Variants in THSD4 observed in about 807,000 individuals in gnomAD.
The protein encoded by THSD4 is thrombospondin type-1 domain-containing protein 4.
Under a neutral mutation model 119.0 loss-of-function variants are expected in THSD4, and 69 were observed. That is an observed-to-expected ratio of 0.58 (90% CI 0.48 to 0.71). The LOEUF (loss-of-function observed/expected upper bound fraction) is 0.71. THSD4 is among the 30% of genes least tolerant of loss of function. THSD4 has a pLI of 0.00. For missense variants in THSD4, 1,393 were observed against 1,391.1 expected (o/e 1.00, Z -0.02); for synonymous variants, 524 against 540.4 (o/e 0.97, Z 0.42).
intron 4 of THSD4, among the ~76,000 whole-genome samples, chr15:71,219,715 C>T (rs927661814): frequency 3.9e-5 from 6 of 152,210 alleles, no homozygotes; most frequent in Non-Finnish European, 7.3e-5. Context: ...ACAACATTTA[C>T]AGTTACACAA....
intron 7 of THSD4, among the ~76,000 whole-genome samples, chr15:71,432,150 G>T (rs1365688637): frequency 6.6e-6 from 1 of 152,030 alleles, no homozygotes; most frequent in African/African-American, 2.4e-5. Context: ...TATAACTCAA[G>T]GAAAACTAAA....
intron 1 of THSD4, among the ~76,000 whole-genome samples, chr15:71,102,305 A>AT (rs2040256842): frequency 6.6e-6 from 1 of 151,982 alleles, no homozygotes; most frequent in Admixed American, 6.5e-5. Flanking sequence ...TTCTTAAAAT[A>AT]TTTTTTTCCC....
chr15:71,405,755 G>A (rs2046596912), intron 6 of THSD4, among the ~76,000 whole-genome samples: 2 of 152,134 alleles, frequency 1.3e-5, no homozygotes, highest in Admixed American at 1.3e-4. Context: ...TCTTAACAAT[G>A]TTAAATCTTC....
At chr15:71,149,576 A>G (rs1231997099) in intron 2 of THSD4, among the ~76,000 whole-genome samples, 2 of 152,140 alleles carry the variant, frequency 1.3e-5, no homozygotes, top group East Asian at 1.9e-4. Context: ...TCCAGAGTGC[A>G]CTAGGCAGGA....
At chr15:71,774,026 C>T (rs1203109545) in intron 17 of THSD4, among the ~76,000 whole-genome samples, 3 of 152,076 alleles carry the variant, frequency 2.0e-5, no homozygotes, top group African/African-American at 7.2e-5. Flanking sequence ...ACAAACTCAC[C>T]ACAGGGCCGG....
At chr15:71,169,699 T>C (rs1015411711) in intron 3 of THSD4, among the ~76,000 whole-genome samples, 1 of 152,204 alleles carries the variant, frequency 6.6e-6, no homozygotes, top group Non-Finnish European at 1.5e-5. Context: ...GAAATAATGT[T>C]TTTCAAAACC....
intron 16 of THSD4, 36 bp downstream of exon 16, chr15:71,765,235 C>A: frequency 6.3e-7 from 1 of 1,593,708 alleles, no homozygotes; most frequent in Non-Finnish European, 8.5e-7. Flanking sequence ...GTTGCATTGG[C>A]ACAACGTCCC....
At chr15:71,712,346 A>G (rs1444761161) in intron 8 of THSD4, among the ~76,000 whole-genome samples, 1 of 152,228 alleles carries the variant, frequency 6.6e-6, no homozygotes, top group South Asian at 2.1e-4. Flanking sequence ...ACAACATGTC[A>G]AAATGTGTGG....
chr15:71,535,171 T>A (rs2048672034), intron 7 of THSD4, among the ~76,000 whole-genome samples: 1 of 152,338 alleles, frequency 6.6e-6, no homozygotes, highest in East Asian at 1.9e-4. Context: ...ACAACTAATC[T>A]ACTCTCTGTC....
chr15:71,601,988 G>A (rs77624397), intron 7 of THSD4, among the ~76,000 whole-genome samples: 4,516 of 152,226 alleles, frequency 0.03, 252 homozygotes, highest in African/African-American at 0.1. Flanking sequence ...GTGAAAAGCA[G>A]CATTATTCTG....
chr15:71,328,307 T>C (rs2045373395), intron 6 of THSD4, among the ~76,000 whole-genome samples: 1 of 152,186 alleles, frequency 6.6e-6, no homozygotes, highest in Non-Finnish European at 1.5e-5. Flanking sequence ...TTTATCTAAT[T>C]CCTAGAAGAC....
intron 3 of THSD4, among the ~76,000 whole-genome samples, chr15:71,189,925 C>T (rs562202475): frequency 1.3e-5 from 2 of 152,264 alleles, no homozygotes; most frequent in East Asian, 1.9e-4. Flanking sequence ...AGAACTGCTG[C>T]GGGAGAGGCT....
chr15:71,527,985 G>C (rs1287950870), intron 7 of THSD4, among the ~76,000 whole-genome samples: 1 of 151,758 alleles, frequency 6.6e-6, no homozygotes, highest in Non-Finnish European at 1.5e-5. Flanking sequence ...CAAGATGCTG[G>C]GATTACAGTT....
intron 6 of THSD4, among the ~76,000 whole-genome samples, chr15:71,368,721 T>C (rs913071833): frequency 6.6e-6 from 1 of 152,240 alleles, no homozygotes; most frequent in East Asian, 1.9e-4. Flanking sequence ...GGTAGTGTGA[T>C]GCCTCCAGCT....
Position 71,115,862 on chromosome 15 carries a change from C to T in THSD4, c.-80+164C>T, listed in dbSNP as rs1174342387. On this transcript the variant is annotated intron_variant, in intron 1 of 17. Transcript: ENST00000261862. The surrounding 1 kb of genome is among the most constrained non-coding windows in gnomAD (Gnocchi z 4.4). ...GCGCCGCGGGCTGCGCCGCTCCGGG[C>T]TCGGGGAGCCAGCGCGCGCCTGGTC... Among the ~76,000 whole-genome samples the T allele has an allele frequency of 3.3e-5, 5 of 151,888 alleles. No individual in the cohort carries two copies. The highest frequency in any genetic ancestry group is 7.4e-5 in the Non-Finnish European group (5 of 67,916).
intron 6 of THSD4, among the ~76,000 whole-genome samples, chr15:71,379,799 C>G (rs941532830): frequency 5.9e-5 from 9 of 151,808 alleles, no homozygotes; most frequent in African/African-American, 1.9e-4. Context: ...ATTTGCTGAC[C>G]TTTGTTGTTG....
chr15:71,774,092 CA>C (rs1188084504), intron 17 of THSD4, among the ~76,000 whole-genome samples: 4 of 152,092 alleles, frequency 2.6e-5, no homozygotes, highest in African/African-American at 9.7e-5. Context: ...ACCGGTGGAT[CA>C]CTTGGGCCAG....
chr15:71,726,395 T>C (rs2052838739), intron 8 of THSD4, among the ~76,000 whole-genome samples: 1 of 152,228 alleles, frequency 6.6e-6, no homozygotes, highest in Non-Finnish European at 1.5e-5. Flanking sequence ...AAAGTTCTTA[T>C]ATTTTAGTGG....
chr15:71,379,450 C>CTTT (rs34326932), intron 6 of THSD4, among the ~76,000 whole-genome samples: 9,683 of 77,624 alleles, frequency 0.12, 1,895 homozygotes, highest in Non-Finnish European at 0.17. Context: ...CAAATGGCTT[C>CTTT]TTTTTTTTTT....
Sources: allele counts gnomAD v4.1 joint callset (sites outside exome capture counted in the v4.1 genomes callset), GRCh38; gene constraint gnomAD v4.1.1; non-coding constraint Gnocchi (gnomAD v3.1); transcripts MANE v1.5; gene names NCBI Gene and HGNC (gene_info 2026-07-23, HGNC 2026-07-21).